The following CHST3 variants were observed in gnomAD, a reference collection of about 807,000 sequenced individuals.
The protein encoded by CHST3 is C6ST-1.
Under a neutral mutation model 35.4 loss-of-function variants are expected in CHST3, and 20 were observed. The ratio of observed to expected loss-of-function variants is 0.57; its 90% CI spans 0.40 to 0.82. The LOEUF (loss-of-function observed/expected upper bound fraction) is 0.82. Among genes scored for constraint, CHST3 ranks in the 40% least tolerant of loss-of-function variants. The pLI is 0.00. For missense variants in CHST3, 693 were observed against 670.1 expected (o/e 1.03, Z -0.38); for synonymous variants, 334 against 295.9 (o/e 1.13, Z -1.32).
At chr10:72,002,038 T>A (rs1212237779) in intron 1 of CHST3, among the ~76,000 whole-genome samples, 1 of 152,158 alleles carries the variant, frequency 6.6e-6, no homozygotes, top group Admixed American at 6.5e-5. Flanking sequence ...GCCCTGTGAC[T>A]TCCTGGCACC....
chr10:72,002,263 C>T (rs1589507073), intron 1 of CHST3, among the ~76,000 whole-genome samples: 1 of 152,158 alleles, frequency 6.6e-6, no homozygotes, highest in Non-Finnish European at 1.5e-5. Context: ...CTGTGTTGCT[C>T]TGGGGATGAG....
intron 1 of CHST3, among the ~76,000 whole-genome samples, chr10:71,984,526 C>T (rs541338684): frequency 1.3e-5 from 2 of 152,336 alleles, no homozygotes; most frequent in South Asian, 4.2e-4. Flanking sequence ...CTGACTAGGA[C>T]TCTGATCTGT....
intron 1 of CHST3, among the ~76,000 whole-genome samples, chr10:71,975,834 C>T (rs1839739784): frequency 1.3e-5 from 2 of 152,242 alleles, no homozygotes; most frequent in African/African-American, 4.8e-5. Context: ...GGCCAGTGGC[C>T]GTGCCCTGTG....
At chr10:71,972,658 G>A (rs777543415) in intron 1 of CHST3, among the ~76,000 whole-genome samples, 3 of 152,098 alleles carry the variant, frequency 2.0e-5, no homozygotes, top group Non-Finnish European at 2.9e-5. Flanking sequence ...ACCCCACCCC[G>A]AGTGATGTCT....
intron 1 of CHST3, among the ~76,000 whole-genome samples, chr10:71,971,555 G>A (rs978101986): frequency 6.6e-6 from 1 of 152,024 alleles, no homozygotes; most frequent in African/African-American, 2.4e-5. Flanking sequence ...ACCCTTTCCC[G>A]CTTCCCCCTC....
chr10:71,992,317 A>G (rs927544871), intron 1 of CHST3, among the ~76,000 whole-genome samples: 100 of 152,036 alleles, frequency 6.6e-4, no homozygotes, highest in African/African-American at 2.0e-3. Flanking sequence ...AGTTGGAACC[A>G]CAAGTGCATG....
rs1840056416 is a variant in CHST3, at chr10:72,007,635, G to C, written c.604G>C (p.Val202Leu). The C allele has an allele frequency of 6.2e-7, 1 of 1,609,962 alleles. No homozygotes were observed. Among genetic ancestry groups the C allele is most frequent in the Admixed American group, 1.7e-5 (1 of 59,846 alleles). ...GCAGCTCTTCCTGTGCGACCTGTAC[G>C]TGCTGGAGCACTTCATCACGCCGCT... ...LKQLFLCDLY[V>L]LEHFITPLPE... is the part of the protein sequence containing the mutation. Residue 202 changes from valine to leucine, a missense_variant, in exon 3 of 3, where the codon GTG (valine) becomes CTG (leucine). Val to Leu is a conservative substitution (Grantham distance 32). Transcript: ENST00000373115.
intron 1 of CHST3, among the ~76,000 whole-genome samples, chr10:71,987,906 C>T (rs1376614151): frequency 1.3e-5 from 2 of 152,078 alleles, no homozygotes; most frequent in African/African-American, 4.8e-5. Flanking sequence ...GAGTTTTTCT[C>T]TACCCGGTTA....
chr10:72,005,907 G>A lies in CHST3; in HGVS notation c.65G>A (p.Ser22Asn). Residue 22 changes from serine (S) to asparagine (N), a missense_variant, in exon 2 of 3, where the codon AGC (serine) becomes AAC (asparagine). Ser to Asn is a conservative substitution (Grantham distance 46, BLOSUM62 1). Coordinates refer to ENST00000373115, the MANE Select transcript of CHST3 (RefSeq NM_004273.5). ...TTTGTGCACAGCCTGAAGATGAGAA[G>A]CAAATACGCCCTTTTCTTGGTTTTT... ...RDFVHSLKMR[S>N]KYALFLVFVV... 1 of 1,614,214 alleles carries A rather than the reference G, an allele frequency of 6.2e-7. No homozygotes were observed. The highest frequency in any genetic ancestry group is 8.5e-7 in the Non-Finnish European group (1 of 1,180,038).
At chr10:72,000,480 G>A (rs1025803946) in intron 1 of CHST3, among the ~76,000 whole-genome samples, 3 of 152,018 alleles carry the variant, frequency 2.0e-5, no homozygotes, top group Admixed American at 6.6e-5. Context: ...CTCCAGAGCT[G>A]GGGGGGCATT....
chr10:71,990,357 C>T (rs184198682), intron 1 of CHST3, among the ~76,000 whole-genome samples: 2 of 151,918 alleles, frequency 1.3e-5, no homozygotes, highest in Non-Finnish European at 1.5e-5. Context: ...CCTTAGGGCT[C>T]TAATAATTTT....
At position 72,008,381 on chromosome 10, in the gene CHST3, C is replaced by T; in HGVS notation, c.1350C>T (p.Leu450=). 6.4e-7 allele frequency: 1 copy of T among 1,568,992 alleles called. No individual in the cohort carries two copies. The highest frequency in any genetic ancestry group is 1.3e-5 in the African/African-American group (1 of 74,166). The change falls in exon 3 of 3, where the codon CTC becomes CTT. Residue 450 remains leucine, a synonymous_variant. Coordinates refer to ENST00000373115, the MANE Select transcript of CHST3 (RefSeq NM_004273.5). ...CCGCCTGCGGCCCTGCCATGCGCCTCTTCGGCTACAAACTGGCGCGGGACG... is the reference window on the plus strand; with the variant it reads ...CCGCCTGCGGCCCTGCCATGCGCCTTTTCGGCTACAAACTGGCGCGGGACG... The part of the protein sequence containing the change: ...VQAACGPAMR[L]FGYKLARDAA...
At chr10:71,988,978 A>C (rs1194147058) in intron 1 of CHST3, among the ~76,000 whole-genome samples, 2 of 152,024 alleles carry the variant, frequency 1.3e-5, no homozygotes, top group Non-Finnish European at 2.9e-5. Flanking sequence ...GCCTGACCAA[A>C]ATGGTGAAAC....
At chr10:72,006,662 T>C (rs1840041353) in intron 2 of CHST3, among the ~76,000 whole-genome samples, 1 of 152,222 alleles carries the variant, frequency 6.6e-6, no homozygotes, top group Non-Finnish European at 1.5e-5. Flanking sequence ...TTTCTTAGCC[T>C]GTTCTCCTCC....
intron 1 of CHST3, among the ~76,000 whole-genome samples, chr10:71,980,639 G>A (rs1367949214): frequency 1.3e-5 from 2 of 152,160 alleles, no homozygotes; most frequent in African/African-American, 4.8e-5. Context: ...TGGGACCTGA[G>A]GATTCGCATT....
chr10:71,980,648 T>C (rs532264209), intron 1 of CHST3, among the ~76,000 whole-genome samples: 1 of 152,326 alleles, frequency 6.6e-6, no homozygotes, highest in South Asian at 2.1e-4. Flanking sequence ...AGGATTCGCA[T>C]TTCCACCAAG....
Position 72,007,727 on chromosome 10 carries a change from C to G in CHST3, c.696C>G (p.Pro232=). 1 of 1,604,538 alleles carries G rather than the reference C, an allele frequency of 6.2e-7. No individual in the cohort carries two copies. The highest frequency in any genetic ancestry group is 1.1e-5 in the South Asian group (1 of 90,994). ...CCAGCCGCTCCCTGTGCGAGGACCC[C>G]GTCTGTACGCCCTTCGTCAAGAAGG... is the stretch of plus-strand genomic sequence containing the variant. ...RGSSRSLCED[P]VCTPFVKKVF... Residue 232 remains proline, a synonymous_variant, in exon 3 of 3, where the codon CCC becomes CCG. Coordinates refer to ENST00000373115, the MANE Select transcript of CHST3 (RefSeq NM_004273.5).
rs762867914 is a variant in CHST3 at position 72,007,354 on chromosome 10, A to G, written c.323A>G (p.Glu108Gly). ...CAGCTGGGCGTGGAGCCAGCCATGGAGGCCGCAGGGGAGGAAGAGGAAGAG... is the reference window on the plus strand; with the variant it reads ...CAGCTGGGCGTGGAGCCAGCCATGGGGGCCGCAGGGGAGGAAGAGGAAGAG... ...SLQLGVEPAM[E>G]AAGEEEEEQR... Residue 108 changes from glutamate (E) to glycine (G), a missense_variant, in exon 3 of 3, where the codon GAG (glutamate) becomes GGG (glycine). Coordinates refer to ENST00000373115, the MANE Select transcript of CHST3 (RefSeq NM_004273.5). 6.2e-7 allele frequency: 1 copy of G among 1,608,012 alleles called. No homozygotes were observed. Among genetic ancestry groups the G allele is most frequent in the Admixed American group, 1.7e-5 (1 of 58,770 alleles).
At chr10:71,989,279 C>T (rs1237140337) in intron 1 of CHST3, among the ~76,000 whole-genome samples, 1 of 152,086 alleles carries the variant, frequency 6.6e-6, no homozygotes, top group African/African-American at 2.4e-5. Context: ...CCTGACTCTC[C>T]AAAAAGCTTT....
Sources: gnomAD v4.1 joint callset for allele counts (sites outside exome capture counted in the v4.1 genomes callset) on GRCh38, gnomAD v4.1.1 for gene constraint, MANE v1.5 for transcripts, NCBI Gene and HGNC (gene_info 2026-07-23, HGNC 2026-07-21) for gene names.